EDIL3: variants seen among roughly 807,000 people sequenced by gnomAD.
The protein encoded by EDIL3 is EGF-like repeat and discoidin I-like domain-containing protein 3.
Under a neutral mutation model 67.4 loss-of-function variants are expected in EDIL3, and 37 were observed. The observed-to-expected ratio is 0.55, with a 90% CI of 0.42 to 0.72. The LOEUF (loss-of-function observed/expected upper bound fraction) is 0.72, where lower values mean the gene tolerates loss of function less well. Among genes scored for constraint, EDIL3 ranks in the 30% least tolerant of loss-of-function variants. EDIL3 has a pLI of 0.00. For synonymous variants in EDIL3, 195 were observed against 196.3 expected, an observed-to-expected ratio of 0.99 and a Z score of 0.05; for missense variants, 527 against 586.3, an observed-to-expected ratio of 0.90 and a Z score of 1.04.
At chr5:84,214,615 C>G (rs1580380851) in intron 3 of EDIL3, among the ~76,000 whole-genome samples, 1 of 152,032 alleles carries the variant, frequency 6.6e-6, no homozygotes, top group African/African-American at 2.4e-5. Flanking sequence ...ATATTCTTAT[C>G]AAATTATTGA....
chr5:84,197,670 GCAAA>G (rs1743741080), intron 3 of EDIL3, among the ~76,000 whole-genome samples: 1 of 148,816 alleles, frequency 6.7e-6, no homozygotes, highest in African/African-American at 2.5e-5. Flanking sequence ...AAAAAAAAAA[GCAAA>G]CAAACAAAAA....
intron 6 of EDIL3, among the ~76,000 whole-genome samples, chr5:84,070,327 A>G (rs1286496511): frequency 1.3e-5 from 2 of 152,166 alleles, no homozygotes; most frequent in Non-Finnish European, 1.5e-5. Context: ...AAAAGAGCAC[A>G]CTGTAACATG....
At chr5:84,122,205 C>G (rs1423773449) in intron 5 of EDIL3, among the ~76,000 whole-genome samples, 1 of 151,940 alleles carries the variant, frequency 6.6e-6, no homozygotes, top group Non-Finnish European at 1.5e-5. Flanking sequence ...TTTAGGTGGA[C>G]TGTCCATAAC....
chr5:84,120,863 A>C (rs1174461080), intron 5 of EDIL3, among the ~76,000 whole-genome samples: 1 of 151,952 alleles, frequency 6.6e-6, no homozygotes, highest in Non-Finnish European at 1.5e-5. Flanking sequence ...AATACTAAGC[A>C]CTAAGTAAAA....
chr5:84,091,627 G>A (rs1747167913), intron 6 of EDIL3, among the ~76,000 whole-genome samples: 1 of 152,154 alleles, frequency 6.6e-6, no homozygotes, highest in Non-Finnish European at 1.5e-5. Flanking sequence ...TGTCTGCTGT[G>A]GACATAAGGG....
intron 1 of EDIL3, among the ~76,000 whole-genome samples, chr5:84,380,727 C>T (rs756671636): frequency 1.3e-4 from 20 of 152,136 alleles, no homozygotes; most frequent in Non-Finnish European, 2.7e-4. Context: ...AAAGTTTTAG[C>T]TAATTAAAAC....
intron 1 of EDIL3, among the ~76,000 whole-genome samples, chr5:84,371,319 G>GTGTATATA (rs1747840693): frequency 8.7e-6 from 1 of 115,496 alleles, no homozygotes; most frequent in Non-Finnish European, 1.9e-5. Flanking sequence ...TAGATAAAAA[G>GTGTATATA]TATATATATA....
intron 1 of EDIL3, among the ~76,000 whole-genome samples, chr5:84,287,350 T>C (rs1032488376): frequency 1.3e-5 from 2 of 152,178 alleles, no homozygotes; most frequent in African/African-American, 2.4e-5. Flanking sequence ...CCAAAGGTGT[T>C]GGTCTTCTCT....
intron 9 of EDIL3, among the ~76,000 whole-genome samples, chr5:83,992,526 A>G (rs887942742): frequency 6.6e-6 from 1 of 152,212 alleles, no homozygotes; most frequent in Non-Finnish European, 1.5e-5. Flanking sequence ...GAAGAGAAGA[A>G]GGCAAGCAAA....
At chr5:84,224,233 A>C (rs1744404464) in intron 3 of EDIL3, among the ~76,000 whole-genome samples, 1 of 151,466 alleles carries the variant, frequency 6.6e-6, no homozygotes, top group Non-Finnish European at 1.5e-5. Context: ...TCAGATTCCC[A>C]GCCCTGTATT....
At chr5:83,983,058 T>C (rs1744997979) in intron 9 of EDIL3, among the ~76,000 whole-genome samples, 1 of 152,158 alleles carries the variant, frequency 6.6e-6, no homozygotes, top group Non-Finnish European at 1.5e-5. Flanking sequence ...TTGTAACTTA[T>C]TTGCTCGAGT....
chr5:84,084,438 C>T lies in EDIL3; in HGVS notation c.652-17832G>A, dbSNP rs4569849. 6.1e-3 allele frequency among the ~76,000 whole-genome samples: 928 copies of T among 152,236 alleles called. 15 individuals are homozygous for T. Among genetic ancestry groups the T allele is most frequent in the African/African-American group, 0.021 (887 of 41,562 alleles). On this transcript the variant is annotated intron_variant, in intron 6 of 10. Coordinates refer to ENST00000296591, the MANE Select transcript of EDIL3 (RefSeq NM_005711.5). Reference sequence around the variant, plus strand: ...TGATCAAAAGCTACCTCATTCTCATCACTGACTAGATTCATTCATAAAAGA... The same window carrying T: ...TGATCAAAAGCTACCTCATTCTCATTACTGACTAGATTCATTCATAAAAGA...
chr5:84,266,726 T>C (rs942829252), intron 1 of EDIL3, among the ~76,000 whole-genome samples: 49 of 152,158 alleles, frequency 3.2e-4, no homozygotes, highest in African/African-American at 9.9e-4. Context: ...CTATTACTTA[T>C]AACTAGCCTT....
intron 9 of EDIL3, among the ~76,000 whole-genome samples, chr5:83,990,043 A>C (rs1210214856): frequency 6.6e-6 from 1 of 152,192 alleles, no homozygotes; most frequent in Non-Finnish European, 1.5e-5. Flanking sequence ...AATCTTCCAG[A>C]TGAGAATACA....
At chr5:84,270,039 G>T (rs932780900) in intron 1 of EDIL3, among the ~76,000 whole-genome samples, 1 of 152,144 alleles carries the variant, frequency 6.6e-6, no homozygotes, top group Non-Finnish European at 1.5e-5. Context: ...AATCTAGAAG[G>T]ATATGTGCAA....
chr5:84,132,157 C>T (rs1391110205), intron 5 of EDIL3, among the ~76,000 whole-genome samples: 3 of 149,186 alleles, frequency 2.0e-5, no homozygotes, highest in Non-Finnish European at 4.4e-5. Context: ...ATTGCTTGAA[C>T]CTGGGAGGTG....
At chr5:84,278,999 G>C (rs914769267) in intron 1 of EDIL3, among the ~76,000 whole-genome samples, 13 of 151,364 alleles carry the variant, frequency 8.6e-5, no homozygotes, top group African/African-American at 3.1e-4. Flanking sequence ...TGTTACCTTG[G>C]TAAAATCCTT....
intron 4 of EDIL3, among the ~76,000 whole-genome samples, chr5:84,148,667 A>G (rs1010439554): frequency 6.6e-6 from 1 of 152,114 alleles, no homozygotes; most frequent in African/African-American, 2.4e-5. Context: ...ACAAAATTAT[A>G]GGATATTTTG....
chr5:84,242,110 T>C (rs899118964), intron 2 of EDIL3, among the ~76,000 whole-genome samples: 4 of 150,032 alleles, frequency 2.7e-5, no homozygotes, highest in Non-Finnish European at 4.4e-5. Flanking sequence ...TGGGCGCCTG[T>C]AGTCCCAGCT....
Sources: allele counts gnomAD v4.1 joint callset (sites outside exome capture counted in the v4.1 genomes callset), GRCh38; gene constraint gnomAD v4.1.1; transcripts MANE v1.5; gene names NCBI Gene and HGNC (gene_info 2026-07-23, HGNC 2026-07-21).